Variants in ZFAND5 observed in about 807,000 individuals in gnomAD.
The protein encoded by ZFAND5 is AN1-type zinc finger protein 5.
ZFAND5 carries 4 observed loss-of-function variants against 23.6 expected under a neutral mutation model. The ratio of observed to expected loss-of-function variants is 0.17; its 90% CI spans 0.08 to 0.39. The LOEUF is 0.39. Among genes scored for constraint, ZFAND5 ranks in the 10% least tolerant of loss-of-function variants. ZFAND5 has a pLI of 1.00. For missense variants in ZFAND5, 161 were observed against 253.7 expected (o/e 0.63, Z 2.48); for synonymous variants, 68 against 80.6 (o/e 0.84, Z 0.84).
intron 2 of ZFAND5, among the ~76,000 whole-genome samples, chr9:72,362,360 C>T (rs1842130059): frequency 6.6e-6 from 1 of 152,176 alleles, no homozygotes; most frequent in Non-Finnish European, 1.5e-5. Context: ...GCCCACCACG[C>T]ACAAAATATG....
In ZFAND5 at chr9:72,354,790, AC is replaced by A. The variant is rs1223083419; in HGVS notation, c.*1162del. 1 of 152,620 alleles carries A rather than the reference AC, an allele frequency of 6.6e-6. No homozygotes were observed. The highest frequency in any genetic ancestry group is 1.5e-5 in the Non-Finnish European group (1 of 68,040). 9.5% of individuals were successfully genotyped at this position (152,620 alleles called of 1,614,324 possible). A position where few individuals can be genotyped will look rare whatever the true frequency, so the allele number is the denominator to read the frequency against. ...ATCACAAAAAACCTTCCATTATAAC[AC>A]AGAAGTGATTATTACCAGACAAGCA... On this transcript the variant is annotated 3_prime_UTR_variant, in exon 7 of 7. Transcript: ENST00000376962.
chr9:72,361,050 T>C (rs1442243946), intron 2 of ZFAND5, among the ~76,000 whole-genome samples: 1 of 152,244 alleles, frequency 6.6e-6, no homozygotes, highest in African/African-American at 2.4e-5. Flanking sequence ...GGTTTCAATT[T>C]ATGAAAAGGT....
intron 2 of ZFAND5, among the ~76,000 whole-genome samples, chr9:72,361,707 T>TAA (rs558862190): frequency 6.6e-6 from 1 of 152,260 alleles, no homozygotes; most frequent in African/African-American, 2.4e-5. Flanking sequence ...TTTGCTTTTC[T>TAA]AAAAGTCTTG....
At chr9:72,358,273 T>C (rs555974830) in intron 5 of ZFAND5, among the ~76,000 whole-genome samples, 22 of 152,230 alleles carry the variant, frequency 1.4e-4, no homozygotes, top group African/African-American at 5.3e-4. Flanking sequence ...CCTGATGTCA[T>C]GAGGATAAAG....
chr9:72,357,321 G>T (rs868348098), intron 5 of ZFAND5, among the ~76,000 whole-genome samples: 3 of 152,034 alleles, frequency 2.0e-5, no homozygotes, highest in Non-Finnish European at 4.4e-5. Flanking sequence ...TAAAACACTG[G>T]TAACAGCCAG....
In ZFAND5 at chr9:72,364,721, C is replaced by G; in HGVS notation, c.-172G>C. The stretch of plus-strand genomic sequence containing the variant: ...CCTGCAGGGTCCCAAATGCGAAAGC[C>G]GGGTTCGCGCGCGAAGCCGGCACGA... On this transcript the variant is annotated 5_prime_UTR_variant, in exon 1 of 7. Transcript: ENST00000376962. 4 of 793,422 alleles carry G rather than the reference C, an allele frequency of 5.0e-6. No homozygotes were observed. In the South Asian group the frequency reaches 1.0e-4, roughly 21 times the overall value. The allele number at this position is 793,422 out of a possible 1,614,324, so 49.1% of individuals were successfully genotyped here.
rs1841931367 is a variant in ZFAND5 at position 72,355,949 on chromosome 9, T to C, written c.*4A>G. 1 of 1,598,448 alleles carries C rather than the reference T, an allele frequency of 6.3e-7. No homozygotes were observed. Among genetic ancestry groups the C allele is most frequent in the South Asian group, 1.1e-5 (1 of 88,944 alleles). ...AAAGTTTCAGTCTCTTCACAAGAAG[T>C]AATTTATATTCTCTGAATTTTTTCA... On this transcript the variant is annotated 3_prime_UTR_variant, in exon 7 of 7. Coordinates refer to ENST00000376962, the MANE Select transcript of ZFAND5 (RefSeq NM_001102420.3).
At chr9:72,362,025 A>T (rs1330600585) in intron 2 of ZFAND5, among the ~76,000 whole-genome samples, 1 of 152,200 alleles carries the variant, frequency 6.6e-6, no homozygotes, top group African/African-American at 2.4e-5. Flanking sequence ...ACCAATTTTG[A>T]CCTGGCCAGA....
rs1447555794 is a variant in ZFAND5 at position 72,365,003 on chromosome 9, G to T, written c.-454C>A. On this transcript the variant is annotated 5_prime_UTR_variant, in exon 1 of 7. Transcript: ENST00000376962. Reference sequence around the variant, plus strand: ...GCGGCTAACGCTGCTCGAGGCGCTCGCCTGTCGTCGCCTCACGCCTCCACA... The same window carrying T: ...GCGGCTAACGCTGCTCGAGGCGCTCTCCTGTCGTCGCCTCACGCCTCCACA... The T allele has an allele frequency of 6.6e-6, 1 of 152,216 alleles. No individual in the cohort carries two copies. The highest frequency in any genetic ancestry group is 2.4e-5 in the African/African-American group (1 of 41,440). The allele number at this position is 152,216 out of a possible 1,614,324, so 9.4% of individuals were successfully genotyped here. A position where few individuals can be genotyped will look rare whatever the true frequency, so the allele number is the denominator to read the frequency against.
chr9:72,356,184 C>G, intron 6 of ZFAND5, 83 bp from the exon 7 acceptor site: 2 of 1,509,448 alleles, frequency 1.3e-6, no homozygotes, highest in South Asian at 2.6e-5. Context: ...AGAAAAGGAA[C>G]CAGATTTTCA....
At chr9:72,356,607 A>T (rs912297568) in intron 6 of ZFAND5, among the ~76,000 whole-genome samples, 1 of 152,212 alleles carries the variant, frequency 6.6e-6, no homozygotes, top group Admixed American at 6.5e-5. Flanking sequence ...GAAAAAAAGC[A>T]CCAAGAACAT....
intron 1 of ZFAND5, chr9:72,364,320 G>A (rs1842196633): frequency 2.1e-6 from 2 of 949,276 alleles, no homozygotes; most frequent in Non-Finnish European, 1.3e-6. Flanking sequence ...GCTAGGGGGG[G>A]CTGCAACGGG....
intron 1 of ZFAND5, chr9:72,364,307 A>G: frequency 6.4e-6 from 3 of 470,916 alleles, no homozygotes; most frequent in Non-Finnish European, 9.3e-6. Flanking sequence ...CTCTTAGGGG[A>G]GAGCTAGGGG....
Position 72,355,836 on chromosome 9 carries a change from G to A in ZFAND5, c.*117C>T, listed in dbSNP as rs1841927714. Reference sequence around the variant, plus strand: ...AAAATATCAATTATAAGACAGACAAGTGTAATGTAAAACTCTGGAGAACAT... The same window carrying A: ...AAAATATCAATTATAAGACAGACAAATGTAATGTAAAACTCTGGAGAACAT... On this transcript the variant is annotated 3_prime_UTR_variant, in exon 7 of 7. Coordinates refer to ENST00000376962, the MANE Select transcript of ZFAND5 (RefSeq NM_001102420.3). 7.6e-6 allele frequency: 7 copies of A among 926,470 alleles called. No individual in the cohort carries two copies. The highest frequency in any genetic ancestry group is 5.9e-5 in the Admixed American group (2 of 34,006). 57.4% of individuals were successfully genotyped at this position (926,470 alleles called of 1,614,324 possible).
At chr9:72,356,865 G>C (rs1031193698) in intron 6 of ZFAND5, 66 bp downstream of exon 6, 1 of 1,587,944 alleles carries the variant, frequency 6.3e-7, no homozygotes, top group Non-Finnish European at 8.6e-7. Context: ...AGTCTCTTAG[G>C]GAGTGACCAA....
rs764825168 is a variant in ZFAND5, at chr9:72,360,228, A to T, written c.152-7T>A. 27 of 1,599,458 alleles carry T rather than the reference A, an allele frequency of 1.7e-5. No individual in the cohort carries two copies. Among genetic ancestry groups the T allele is most frequent in the Middle Eastern group, 3.3e-4 (2 of 6,014 alleles). ...TTGGAACCACTAGCTGTTCCTATTTAAAAAAAGGATTTGTAAGGAACCAAT... is the reference window on the plus strand; with the variant it reads ...TTGGAACCACTAGCTGTTCCTATTTTAAAAAAGGATTTGTAAGGAACCAAT... On this transcript the variant is annotated splice_region_variant and splice_polypyrimidine_tract_variant and intron_variant, in intron 3 of 6. Transcript: ENST00000376962.
At position 72,363,615 on chromosome 9, in the gene ZFAND5, T is replaced by C. The variant is rs1398692780; in HGVS notation, c.-146-9A>G. The C allele has an allele frequency of 3.1e-6, 3 of 982,828 alleles. No individual in the cohort carries two copies. Among genetic ancestry groups the C allele is most frequent in the African/African-American group, 1.7e-5 (1 of 57,168 alleles). The allele number at this position is 982,828 out of a possible 1,614,324, so 60.9% of individuals were successfully genotyped here. On this transcript the variant is annotated splice_polypyrimidine_tract_variant and intron_variant, in intron 1 of 6. Transcript: ENST00000376962. The stretch of plus-strand genomic sequence containing the variant: ...AGGCTCCTTTTCAGGGCCTGGGAGA[T>C]AGAAAACAGGAGACAACTACAAAGA...
At chr9:72,364,549 T>C in intron 1 of ZFAND5, 147 bp downstream of exon 1, 1 of 1,274,310 alleles carries the variant, frequency 7.8e-7, no homozygotes, top group Non-Finnish European at 1.0e-6. Flanking sequence ...CTTCCTGGGC[T>C]GGCGGGCGGG....
At chr9:72,356,507 A>C (rs1357982006) in intron 6 of ZFAND5, among the ~76,000 whole-genome samples, 3 of 152,306 alleles carry the variant, frequency 2.0e-5, no homozygotes, top group East Asian at 1.9e-4. Context: ...AGTTAGGCTA[A>C]GCTGGATTCA....
Sources: gnomAD v4.1 joint callset for allele counts (sites outside exome capture counted in the v4.1 genomes callset) on GRCh38, gnomAD v4.1.1 for gene constraint, MANE v1.5 for transcripts, NCBI Gene and HGNC (gene_info 2026-07-23, HGNC 2026-07-21) for gene names.